TATDN3: variants seen among roughly 807,000 people sequenced by gnomAD.
TATDN3 encodes TatD DNase domain containing 3.
Under a neutral mutation model 40.1 loss-of-function variants are expected in TATDN3, and 29 were observed. The observed-to-expected ratio is 0.72, with a 90% CI of 0.54 to 0.99. The LOEUF (loss-of-function observed/expected upper bound fraction) is 0.99. TATDN3 is among the 50% of genes least tolerant of loss of function. The pLI, the probability that TATDN3 is intolerant of heterozygous loss-of-function variation, is 0.00. For missense variants in TATDN3, 309 were observed against 321.9 expected (o/e 0.96, Z 0.31); for synonymous variants, 105 against 117.0 (o/e 0.90, Z 0.66).
chr1:212,795,121 C>T lies in TATDN3; in HGVS notation c.93C>T (p.Ala31=), dbSNP rs200019115. The T allele has an allele frequency of 1.9e-6, 3 of 1,611,892 alleles. No individual in the cohort carries two copies. Among genetic ancestry groups the T allele is most frequent in the Middle Eastern group, 3.3e-4 (2 of 6,024 alleles). The change falls in exon 2 of 10, where the codon GCC becomes GCT. Residue 31 remains alanine, a synonymous_variant. Transcript: ENST00000366974. ...DRDLDDVLEK[A]KKANVVALVA... ...ATTTGGATGATGTGTTGGAGAAAGC[C>T]AAGAAGGTAAGTCAATATTTGTAAT...
At chr1:212,808,228 G>A (rs1365227880) in intron 8 of TATDN3, among the ~76,000 whole-genome samples, 6 of 150,982 alleles carry the variant, frequency 4.0e-5, no homozygotes, top group Non-Finnish European at 7.4e-5. Flanking sequence ...CAGGAGAATC[G>A]CTTGAACCAG....
intron 4 of TATDN3, among the ~76,000 whole-genome samples, chr1:212,802,298 C>T (rs1558080291): frequency 6.6e-6 from 1 of 152,126 alleles, no homozygotes; most frequent in Admixed American, 6.5e-5. Context: ...ACTCACCAAC[C>T]AGACGAATTC....
At chr1:212,801,964 G>T (rs1662202514) in intron 4 of TATDN3, among the ~76,000 whole-genome samples, 1 of 151,824 alleles carries the variant, frequency 6.6e-6, no homozygotes, top group African/African-American at 2.4e-5. Flanking sequence ...CTCTTGTTCT[G>T]ATTATCCTCA....
chr1:212,805,726 A>G (rs1662423468), intron 7 of TATDN3, among the ~76,000 whole-genome samples: 1 of 152,194 alleles, frequency 6.6e-6, no homozygotes, highest in South Asian at 2.1e-4. Context: ...TTTGGCCATC[A>G]TACATACACA....
Position 212,807,806 on chromosome 1 carries a change from G to C in TATDN3, c.558G>C (p.Gly186=), listed in dbSNP as rs375555771. 3.1e-6 allele frequency: 5 copies of C among 1,613,758 alleles called. No individual in the cohort carries two copies. Among genetic ancestry groups the C allele is most frequent in the Non-Finnish European group, 4.2e-6 (5 of 1,179,860 alleles). Residue 186 remains glycine (G), a synonymous_variant, in exon 8 of 10, where the codon GGG becomes GGC. Transcript: ENST00000366974. ...PSVAMEGVRA[G]YFFSIPPSII... ...TAGCCATGGAAGGAGTAAGAGCTGG[G>C]TACTTCTTCTCAATTCCCCCTTCTA... is the stretch of plus-strand genomic sequence containing the variant.
intron 5 of TATDN3, among the ~76,000 whole-genome samples, chr1:212,803,393 A>G (rs994850426): frequency 1.3e-5 from 2 of 152,030 alleles, no homozygotes; most frequent in African/African-American, 4.8e-5. Context: ...CATGTTGGCC[A>G]GGCTGGTCTT....
rs200226756 is a variant in TATDN3 at position 212,806,856 on chromosome 1, ATATG to A, written c.488-876_488-873del. On this transcript the variant is annotated intron_variant, in intron 7 of 9. Coordinates refer to ENST00000366974, the MANE Select transcript of TATDN3 (RefSeq NM_001042552.3). ...TATATACATATATACACATATATAC[ATATG>A]TATATACACATATATACATATGTAT... is the stretch of plus-strand genomic sequence containing the variant. 7.1e-3 allele frequency among the ~76,000 whole-genome samples: 738 copies of A among 104,674 alleles called. 43 individuals are homozygous for A. Among genetic ancestry groups the A allele is most frequent in the Non-Finnish European group, 0.01 (547 of 52,512 alleles). The allele number at this position is 104,674 out of a possible 152,430, so 68.7% of individuals were successfully genotyped here. A position where few individuals can be genotyped will look rare whatever the true frequency, so the allele number is the denominator to read the frequency against.
intron 7 of TATDN3, among the ~76,000 whole-genome samples, chr1:212,807,210 G>T (rs186055508): frequency 6.6e-6 from 1 of 151,786 alleles, no homozygotes; most frequent in African/African-American, 2.4e-5. Context: ...CTCCCAAAGT[G>T]CTGGGATTAC....
chr1:212,791,976 G>A lies in TATDN3; in HGVS notation c.55G>A (p.Asp19Asn), dbSNP rs1214886558. Reference sequence around the variant, plus strand: ...CTGTCACTGCCACCTCTCCGCCCCGGACTTTGACCGCGTATGTGAGGGCGA... The same window carrying A: ...CTGTCACTGCCACCTCTCCGCCCCGAACTTTGACCGCGTATGTGAGGGCGA... ...VDCHCHLSAP[D>N]FDRDLDDVLE... is the part of the protein sequence containing the mutation. Residue 19 changes from aspartate (D) to asparagine (N), a missense_variant, in exon 1 of 10, where the codon GAC becomes AAC. Coordinates refer to ENST00000366974, the MANE Select transcript of TATDN3 (RefSeq NM_001042552.3). 2 of 1,614,074 alleles carry A rather than the reference G, an allele frequency of 1.2e-6. No individual in the cohort carries two copies. Among genetic ancestry groups the A allele is most frequent in the Admixed American group, 3.3e-5 (2 of 60,010 alleles).
chr1:212,812,807 A>G (rs1245458625), intron 9 of TATDN3, among the ~76,000 whole-genome samples: 1 of 152,224 alleles, frequency 6.6e-6, no homozygotes, highest in Non-Finnish European at 1.5e-5. Flanking sequence ...GTTCGAGACC[A>G]GCTTGACTAA....
chr1:212,795,852 G>A (rs1571947898), intron 2 of TATDN3, among the ~76,000 whole-genome samples: 2 of 152,114 alleles, frequency 1.3e-5, no homozygotes, highest in African/African-American at 2.4e-5. Context: ...TTTTATAGAT[G>A]AGGAATCTAA....
At chr1:212,814,915 AGTT>A in intron 9 of TATDN3, 95 bp from the exon 10 acceptor site, 1 of 1,342,156 alleles carries the variant, frequency 7.5e-7, no homozygotes, top group Non-Finnish European at 1.0e-6. Flanking sequence ...GGAGCCCATC[AGTT>A]GTTTTTACCA....
chr1:212,805,739 C>T (rs75558323), intron 7 of TATDN3, among the ~76,000 whole-genome samples: 3,177 of 152,284 alleles, frequency 0.021, 119 homozygotes, highest in African/African-American at 0.072. Context: ...CATACACACT[C>T]TCTTCTTTGC....
At position 212,816,631 on chromosome 1, in the gene TATDN3, A is replaced by G. The variant is rs1201773728; in HGVS notation, c.*1475A>G. The G allele has an allele frequency of 6.6e-6, 1 of 152,242 alleles. No individual in the cohort carries two copies. The highest frequency in any genetic ancestry group is 1.5e-5 in the Non-Finnish European group (1 of 68,036). The allele number at this position is 152,242 out of a possible 1,614,324, so 9.4% of individuals were successfully genotyped here. A position where few individuals can be genotyped will look rare whatever the true frequency, so the allele number is the denominator to read the frequency against. On this transcript the variant is annotated 3_prime_UTR_variant, in exon 10 of 10. Coordinates refer to ENST00000366974, the MANE Select transcript of TATDN3 (RefSeq NM_001042552.3). The stretch of plus-strand genomic sequence containing the variant: ...AAACTTCCTAAATCAAAGTGATTTT[A>G]TGAAATGATCTTCAATAAATATTTT...
intron 3 of TATDN3, 63 bp from the exon 4 acceptor site, chr1:212,797,049 T>C (rs1243447611): frequency 4.6e-6 from 6 of 1,293,346 alleles, no homozygotes; most frequent in Non-Finnish European, 6.7e-6. Flanking sequence ...ACTTATTCTT[T>C]AGAATACGTT....
intron 4 of TATDN3, among the ~76,000 whole-genome samples, chr1:212,798,217 T>C (rs1558077546): frequency 6.6e-6 from 1 of 151,822 alleles, no homozygotes; most frequent in African/African-American, 2.4e-5. Context: ...TCCCAGCTAC[T>C]CGGGAGACTA....
Position 212,795,084 on chromosome 1 carries a change from G to C in TATDN3, c.67-11G>C, listed in dbSNP as rs536136857. The C allele has an allele frequency of 5.0e-6, 8 of 1,608,510 alleles. 1 individual carries two copies. In the South Asian group the frequency reaches 7.7e-5, roughly 15 times the overall value. ...ATCTAAAATAATGGTGATTTCTTATGCTTGTTTTAGGATTTGGATGATGTG... is the reference window on the plus strand; with the variant it reads ...ATCTAAAATAATGGTGATTTCTTATCCTTGTTTTAGGATTTGGATGATGTG... On this transcript the variant is annotated splice_polypyrimidine_tract_variant and intron_variant, in intron 1 of 9. Transcript: ENST00000366974.
At position 212,802,764 on chromosome 1, in the gene TATDN3, G is replaced by A; in HGVS notation, c.321+1G>A. The A allele has an allele frequency of 6.2e-7, 1 of 1,600,422 alleles. No individual in the cohort carries two copies. Among genetic ancestry groups the A allele is most frequent in the Non-Finnish European group, 8.6e-7 (1 of 1,167,504 alleles). ...GGATCGGTTGTTGGCAATTGGAGAGGTAAACACCCACTAACTGATCAAACA... is the reference window on the plus strand; with the variant it reads ...GGATCGGTTGTTGGCAATTGGAGAGATAAACACCCACTAACTGATCAAACA... On this transcript the variant is annotated splice_donor_variant, in intron 5 of 9. Coordinates refer to ENST00000366974, the MANE Select transcript of TATDN3 (RefSeq NM_001042552.3). LOFTEE classifies it high-confidence loss of function.
In TATDN3 at chr1:212,808,974, T is replaced by TA. The variant is rs1662701581; in HGVS notation, c.600+1130dup. ...TTCCGTCAGCTGATGAATGGATAAA[T>TA]AAAATGTGCTATATCCATATAATGG... On this transcript the variant is annotated intron_variant, in intron 8 of 9. Transcript: ENST00000366974. Among the ~76,000 whole-genome samples, 3 of 152,088 alleles carry TA rather than the reference T, an allele frequency of 2.0e-5. No individual in the cohort carries two copies. The South Asian group carries it at 6.2e-4, about 32-fold the overall frequency.
Sources: gnomAD v4.1 joint callset for allele counts (sites outside exome capture counted in the v4.1 genomes callset) on GRCh38, gnomAD v4.1.1 for gene constraint, MANE v1.5 for transcripts, NCBI Gene and HGNC (gene_info 2026-07-23, HGNC 2026-07-21) for gene names.